Variants in RNF111 observed in about 807,000 individuals in gnomAD.
RNF111 encodes the protein E3 ubiquitin-protein ligase Arkadia.
RNF111 carries 17 observed loss-of-function variants against 95.1 expected under a neutral mutation model. That is an observed-to-expected ratio of 0.18 (90% CI 0.12 to 0.27). The LOEUF is 0.27. Among genes scored for constraint, RNF111 ranks in the 10% least tolerant of loss-of-function variants. The pLI, the probability that RNF111 is intolerant of heterozygous loss-of-function variation, is 1.00. For missense variants in RNF111, 1,189 were observed against 1,210.4 expected (o/e 0.98, Z 0.26); for synonymous variants, 440 against 414.8 (o/e 1.06, Z -0.74).
intron 5 of RNF111, among the ~76,000 whole-genome samples, chr15:59,058,843 C>T (rs1194045097): frequency 4.6e-5 from 7 of 152,144 alleles, no homozygotes; most frequent in African/African-American, 1.4e-4. Context: ...AGTTGGACTT[C>T]ATCAAAATTT....
At chr15:58,997,539 C>A (rs921912652) in intron 1 of RNF111, among the ~76,000 whole-genome samples, 6 of 151,252 alleles carry the variant, frequency 4.0e-5, no homozygotes, top group African/African-American at 1.5e-4. Context: ...AAAATCAGGG[C>A]TGGGTATGGT....
intron 1 of RNF111, among the ~76,000 whole-genome samples, chr15:59,001,608 G>C (rs370580414): frequency 6.6e-6 from 1 of 152,118 alleles, no homozygotes; most frequent in South Asian, 2.1e-4. Context: ...CACATTTGGC[G>C]AATAGGTTCA....
chr15:59,032,341 T>G (rs1287952273), intron 2 of RNF111, among the ~76,000 whole-genome samples: 4 of 152,220 alleles, frequency 2.6e-5, no homozygotes, highest in Non-Finnish European at 4.4e-5. Context: ...TTGACTGTTA[T>G]GAATACTTTT....
At chr15:59,037,537 TTTAAAA>T (rs1451404395) in intron 2 of RNF111, among the ~76,000 whole-genome samples, 2 of 152,154 alleles carry the variant, frequency 1.3e-5, no homozygotes, top group Admixed American at 6.5e-5. Context: ...CTTTATTAAC[TTTAAAA>T]TTAATAGGTA....
At chr15:59,056,860 T>C (rs2042220465) in intron 4 of RNF111, among the ~76,000 whole-genome samples, 1 of 152,204 alleles carries the variant, frequency 6.6e-6, no homozygotes, top group Admixed American at 6.5e-5. Context: ...TGTGTTCCGA[T>C]GTGACACCTG....
chr15:59,027,933 C>G lies in RNF111; in HGVS notation c.-19-2871C>G, dbSNP rs550504581. On this transcript the variant is annotated intron_variant, in intron 1 of 13. Coordinates refer to ENST00000348370, the MANE Select transcript of RNF111 (RefSeq NM_017610.8). ...CTCTGCCTCCCTGGTTCAAGCAATT[C>G]TCCTGCCTCAGCCTCCTGAGTAGCT... Among the ~76,000 whole-genome samples the G allele has an allele frequency of 4.2e-4, 64 of 151,428 alleles. 1 individual carries two copies. In the South Asian group the frequency reaches 0.012, roughly 29 times the overall value.
intron 4 of RNF111, among the ~76,000 whole-genome samples, chr15:59,057,053 A>G (rs528526165): frequency 2.0e-5 from 3 of 152,300 alleles, no homozygotes; most frequent in Admixed American, 6.5e-5. Context: ...AACTAAGTAC[A>G]TCAGACCAGT....
chr15:59,094,946 C>A lies in RNF111; in HGVS notation c.*46C>A, dbSNP rs747100788. On this transcript the variant is annotated 3_prime_UTR_variant, in exon 14 of 14. Coordinates refer to ENST00000348370, the MANE Select transcript of RNF111 (RefSeq NM_017610.8). ...GCCCTCCCTCTCATTCCCATCCTTC[C>A]TGGTACTGCAGTCAACCAAAGATGG... 2 of 1,117,584 alleles carry A rather than the reference C, an allele frequency of 1.8e-6. No individual in the cohort carries two copies. Among genetic ancestry groups the A allele is most frequent in the African/African-American group, 3.1e-5 (2 of 65,214 alleles). The allele number at this position is 1,117,584 out of a possible 1,614,324, so 69.2% of individuals were successfully genotyped here. A position where few individuals can be genotyped will look rare whatever the true frequency, so the allele number is the denominator to read the frequency against.
intron 7 of RNF111, among the ~76,000 whole-genome samples, chr15:59,080,147 G>C (rs1213448790): frequency 7.7e-6 from 1 of 129,192 alleles, no homozygotes; most frequent in Non-Finnish European, 1.6e-5. Flanking sequence ...TTGAGGTGGA[G>C]TCTCACTCTG....
chr15:59,087,663 C>G (rs2078935883), intron 10 of RNF111, among the ~76,000 whole-genome samples: 1 of 152,088 alleles, frequency 6.6e-6, no homozygotes, highest in African/African-American at 2.4e-5. Flanking sequence ...TTATAAAGGT[C>G]TCTTTCCTTA....
intron 3 of RNF111, 41 bp from the exon 4 acceptor site, chr15:59,055,641 C>A (rs1288146547): frequency 7.8e-6 from 11 of 1,407,828 alleles, no homozygotes; most frequent in Middle Eastern, 2.4e-4. Context: ...ACTAAAAATT[C>A]TTTATTTATA....
intron 2 of RNF111, among the ~76,000 whole-genome samples, chr15:59,032,697 G>A (rs1004627685): frequency 3.3e-5 from 5 of 152,074 alleles, no homozygotes; most frequent in African/African-American, 1.2e-4. Context: ...TTTTCTTTAA[G>A]TACTATATTC....
At chr15:59,046,671 G>A (rs1039891008) in intron 2 of RNF111, among the ~76,000 whole-genome samples, 1 of 152,136 alleles carries the variant, frequency 6.6e-6, no homozygotes, top group Non-Finnish European at 1.5e-5. Flanking sequence ...GTTAGACAAA[G>A]GTTTCTTAAA....
chr15:59,080,933 C>T lies in RNF111; in HGVS notation c.1949-3C>T, dbSNP rs1286299479. On this transcript the variant is annotated splice_polypyrimidine_tract_variant and splice_region_variant and intron_variant, in intron 7 of 13. Transcript: ENST00000348370. ...TAACATACTCAAAATATTTTTCTTG[C>T]AGATGCCTCTTTGACAAGGCCACTT... 1 of 1,602,314 alleles carries T rather than the reference C, an allele frequency of 6.2e-7. No individual in the cohort carries two copies. The highest frequency in any genetic ancestry group is 1.7e-5 in the Admixed American group (1 of 58,902).
At chr15:59,003,399 C>G (rs1218382944) in intron 1 of RNF111, among the ~76,000 whole-genome samples, 1 of 150,744 alleles carries the variant, frequency 6.6e-6, no homozygotes, top group African/African-American at 2.4e-5. Flanking sequence ...GCCGCCACAC[C>G]CGGCCTTTTT....
chr15:59,081,313 C>G, intron 8 of RNF111, 29 bp downstream of exon 8: 1 of 1,582,770 alleles, frequency 6.3e-7, no homozygotes, highest in East Asian at 2.3e-5. Context: ...AAAAGAAAGT[C>G]AAGTTTGCTT....
At chr15:59,058,856 A>G (rs1304055914) in intron 5 of RNF111, among the ~76,000 whole-genome samples, 2 of 152,214 alleles carry the variant, frequency 1.3e-5, no homozygotes, top group East Asian at 1.9e-4. Context: ...CAAAATTTAG[A>G]ACTTTCGTGC....
intron 6 of RNF111, among the ~76,000 whole-genome samples, chr15:59,067,594 TA>T (rs1201968994): frequency 6.6e-6 from 1 of 152,202 alleles, no homozygotes; most frequent in Admixed American, 6.5e-5. Flanking sequence ...TTAGATGGAC[TA>T]AATTATTACA....
chr15:59,063,252 A>G (rs989776593), intron 5 of RNF111, among the ~76,000 whole-genome samples: 1 of 152,202 alleles, frequency 6.6e-6, no homozygotes, highest in African/African-American at 2.4e-5. Flanking sequence ...AAAAACAGCA[A>G]AAGCAGACCA....
Sources: gnomAD v4.1 joint callset for allele counts (sites outside exome capture counted in the v4.1 genomes callset) on GRCh38, gnomAD v4.1.1 for gene constraint, MANE v1.5 for transcripts, NCBI Gene and HGNC (gene_info 2026-07-23, HGNC 2026-07-21) for gene names.